The following DENND5A variants were observed in gnomAD, a reference collection of about 807,000 sequenced individuals.
DENND5A encodes the protein DENN domain containing 5A, also known as DENN domain-containing protein 5A.
In DENND5A, 64 loss-of-function variants were observed where a neutral mutation model predicts 140.3. The observed-to-expected ratio is 0.46, with a 90% CI of 0.37 to 0.56. The LOEUF (loss-of-function observed/expected upper bound fraction) is 0.56. Among genes scored for constraint, DENND5A ranks in the 20% least tolerant of loss-of-function variants. The pLI is 0.00. For missense variants in DENND5A, 1,292 were observed against 1,593.8 expected (o/e 0.81, Z 3.22); for synonymous variants, 605 against 607.7 (o/e 1.00, Z 0.07).
chr11:9,254,719 T>C (rs936703852), intron 1 of DENND5A, among the ~76,000 whole-genome samples: 4 of 152,182 alleles, frequency 2.6e-5, no homozygotes, highest in East Asian at 1.9e-4. Context: ...AAACTTTTTA[T>C]AGCTACTTCA....
intron 1 of DENND5A, among the ~76,000 whole-genome samples, chr11:9,236,307 G>A (rs1437966319): frequency 6.6e-6 from 1 of 151,792 alleles, no homozygotes; most frequent in South Asian, 2.1e-4. Context: ...CGAGGCAGGC[G>A]TATCACCTGA....
Position 9,204,183 on chromosome 11 carries a change from A to G in DENND5A, c.426T>C (p.Thr142=). The change falls in exon 4 of 23, where the codon ACT becomes ACC. Residue 142 remains threonine (T), a synonymous_variant. Coordinates refer to ENST00000328194, the MANE Select transcript of DENND5A (RefSeq NM_015213.4). The stretch of plus-strand genomic sequence containing the variant: ...GCATTGCACTGCAGATCTGCTTGCT[A>G]GTCACCTCTTCATAAAATGTGAGGG... ...GFALTFYEEV[T]SKQICSAMQT... is the part of the protein sequence containing the mutation. 6.2e-7 allele frequency: 1 copy of G among 1,614,130 alleles called. No individual in the cohort carries two copies. Among genetic ancestry groups the G allele is most frequent in the Non-Finnish European group, 8.5e-7 (1 of 1,180,030 alleles).
intron 11 of DENND5A, among the ~76,000 whole-genome samples, chr11:9,162,049 A>C (rs1848001665): frequency 6.6e-6 from 1 of 151,404 alleles, no homozygotes; most frequent in Non-Finnish European, 1.5e-5. Flanking sequence ...CTATGCTATA[A>C]ATTTGTGATA....
chr11:9,217,272 T>C (rs908459963), intron 1 of DENND5A, among the ~76,000 whole-genome samples: 1 of 152,060 alleles, frequency 6.6e-6, no homozygotes, highest in African/African-American at 2.4e-5. Flanking sequence ...CCCAGCACTT[T>C]GAGAGGCTGA....
chr11:9,233,945 A>C (rs2136257619), intron 1 of DENND5A, among the ~76,000 whole-genome samples: 1 of 152,274 alleles, frequency 6.6e-6, no homozygotes, highest in African/African-American at 2.4e-5. Context: ...TGGGAGGCCG[A>C]GGTGGGTGGA....
At chr11:9,199,362 C>T (rs564987610) in intron 4 of DENND5A, among the ~76,000 whole-genome samples, 1 of 152,034 alleles carries the variant, frequency 6.6e-6, no homozygotes, top group South Asian at 2.1e-4. Flanking sequence ...CCAGACTCGG[C>T]AGTACATGCC....
At chr11:9,242,700 T>C (rs1851285938) in intron 1 of DENND5A, 1 of 152,144 alleles carries the variant, frequency 6.6e-6, no homozygotes. Context: ...ATATCATCTA[T>C]GAATAACAGG....
intron 11 of DENND5A, among the ~76,000 whole-genome samples, chr11:9,162,693 G>A (rs1292233515): frequency 1.3e-5 from 2 of 151,932 alleles, no homozygotes; most frequent in East Asian, 3.9e-4. Context: ...TAAAATATAT[G>A]GTTTGGTTTG....
chr11:9,221,388 G>A (rs543503720), intron 1 of DENND5A, among the ~76,000 whole-genome samples: 21 of 152,138 alleles, frequency 1.4e-4, no homozygotes, highest in East Asian at 3.9e-4. Context: ...CCGAGATAGC[G>A]CCACCTCACT....
chr11:9,176,915 GA>G (rs1564897781), intron 8 of DENND5A: 1 of 456,198 alleles, frequency 2.2e-6, no homozygotes. Flanking sequence ...ATGAGACAAT[GA>G]AAGTTGTTAG....
intron 1 of DENND5A, among the ~76,000 whole-genome samples, chr11:9,232,751 C>T (rs752089587): frequency 1.1e-4 from 16 of 152,060 alleles, no homozygotes; most frequent in Non-Finnish European, 2.1e-4. Context: ...GCCATGTTCA[C>T]GAAAAGGCAC....
chr11:9,185,327 C>A (rs377698396), intron 5 of DENND5A, among the ~76,000 whole-genome samples: 1 of 152,094 alleles, frequency 6.6e-6, no homozygotes, highest in Non-Finnish European at 1.5e-5. Context: ...AAGATTTAAA[C>A]TTGTGCTTTT....
In DENND5A at chr11:9,162,584, C is replaced by T. The variant is rs144790857; in HGVS notation, c.2284-1719G>A. Among the ~76,000 whole-genome samples, 738 of 152,136 alleles carry T rather than the reference C, an allele frequency of 4.9e-3. 4 individuals are homozygous for T. Among genetic ancestry groups the T allele is most frequent in the Non-Finnish European group, 6.1e-3 (417 of 67,988 alleles). On this transcript the variant is annotated intron_variant, in intron 11 of 22. Transcript: ENST00000328194. ...TGTCTGTTTATATCTTTGAAGCACC[C>T]TACGTGCCCTCTTCCATTCACCTTC... is the stretch of plus-strand genomic sequence containing the variant.
chr11:9,153,014 AAAAG>A (rs1304952384), intron 12 of DENND5A, among the ~76,000 whole-genome samples: 5 of 148,820 alleles, frequency 3.4e-5, no homozygotes, highest in South Asian at 2.1e-4. Context: ...AAAAAAACAA[AAAAG>A]AAAGAAAGAA....
intron 1 of DENND5A, among the ~76,000 whole-genome samples, chr11:9,260,642 G>T (rs1244862891): frequency 2.6e-5 from 4 of 152,084 alleles, no homozygotes; most frequent in Non-Finnish European, 5.9e-5. Context: ...CTAGCCCAAA[G>T]AGCTTCCTCA....
chr11:9,246,747 A>G (rs973932101), intron 1 of DENND5A, among the ~76,000 whole-genome samples: 3 of 152,096 alleles, frequency 2.0e-5, no homozygotes, highest in Non-Finnish European at 1.5e-5. Context: ...ACTGACCCCA[A>G]ATTTTTATAC....
intron 8 of DENND5A, chr11:9,171,898 A>G (rs1402854851): frequency 6.6e-6 from 1 of 152,210 alleles, no homozygotes; most frequent in Non-Finnish European, 1.5e-5. Context: ...ACAAAAAACT[A>G]GAAACATGGA....
chr11:9,242,328 C>T (rs1211898292), intron 1 of DENND5A: 1 of 152,176 alleles, frequency 6.6e-6, no homozygotes, highest in African/African-American at 2.4e-5. Flanking sequence ...TAGACAATCA[C>T]TGATTGCAAG....
At chr11:9,246,487 C>A (rs1851476799) in intron 1 of DENND5A, among the ~76,000 whole-genome samples, 1 of 151,876 alleles carries the variant, frequency 6.6e-6, no homozygotes, top group African/African-American at 2.4e-5. Flanking sequence ...TGGCACGCTC[C>A]TGTAGTCCCA....
Sources: allele counts gnomAD v4.1 joint callset (sites outside exome capture counted in the v4.1 genomes callset), GRCh38; gene constraint gnomAD v4.1.1; transcripts MANE v1.5; gene names NCBI Gene and HGNC (gene_info 2026-07-23, HGNC 2026-07-21).